UTP4: variants seen among roughly 807,000 people sequenced by gnomAD.
The protein encoded by UTP4 is UTP4 small subunit processome component.
UTP4 carries 45 observed loss-of-function variants against 82.4 expected under a neutral mutation model. That is an observed-to-expected ratio of 0.55 (90% CI 0.43 to 0.70). The LOEUF (loss-of-function observed/expected upper bound fraction) is 0.70. Among genes scored for constraint, UTP4 ranks in the 30% least tolerant of loss-of-function variants. The pLI is 0.00. For synonymous variants in UTP4, 348 were observed against 300.3 expected (o/e 1.16, Z -1.64); for missense variants, 819 against 858.3 (o/e 0.95, Z 0.57).
At chr16:69,138,011 T>C (rs970438611) in intron 4 of UTP4, 126 bp downstream of exon 4, 1 of 720,142 alleles carries the variant, frequency 1.4e-6, no homozygotes, top group Non-Finnish European at 2.5e-6. Context: ...ACAGGGAGGG[T>C]ATGTGCTAGA....
chr16:69,156,705 C>A (rs956922154), intron 11 of UTP4, among the ~76,000 whole-genome samples: 1 of 151,986 alleles, frequency 6.6e-6, no homozygotes, highest in African/African-American at 2.4e-5. Context: ...TGATCCACCC[C>A]CTCAGCCTCC....
At chr16:69,138,235 CTT>C (rs535515310) in intron 4 of UTP4, among the ~76,000 whole-genome samples, 1 of 139,324 alleles carries the variant, frequency 7.2e-6, no homozygotes, top group Non-Finnish European at 1.6e-5. Context: ...TCTTTTCTTT[CTT>C]TTTTTTTTTT....
chr16:69,160,391 C>G lies in UTP4; in HGVS notation c.1480C>G (p.Pro494Ala). The change falls in exon 13 of 17, where the codon CCA (proline) becomes GCA (alanine). Residue 494 changes from proline (P) to alanine (A), a missense_variant. Physicochemically the swap from Pro to Ala is conservative, Grantham distance 27. Coordinates refer to ENST00000314423, the MANE Select transcript of UTP4 (RefSeq NM_032830.3). ...GGCCATGTGTCTTTTGGCAGTCAGT[C>G]CAGATGGGAATTGGCTAGCTGCATC... Reference protein sequence around the residue: ...VEAMCLLAVSPDGNWLAASGT... With the variant: ...VEAMCLLAVSADGNWLAASGT... 6.2e-7 allele frequency: 1 copy of G among 1,614,008 alleles called. No individual in the cohort carries two copies. Among genetic ancestry groups the G allele is most frequent in the South Asian group, 1.1e-5 (1 of 91,066 alleles).
chr16:69,161,274 T>C (rs1963555541), intron 13 of UTP4, among the ~76,000 whole-genome samples: 1 of 152,228 alleles, frequency 6.6e-6, no homozygotes, highest in African/African-American at 2.4e-5. Context: ...TTACAAGTCC[T>C]CATCTTCATT....
At position 69,137,794 on chromosome 16, in the gene UTP4, C is replaced by G. The variant is rs1225735170; in HGVS notation, c.352-7C>G. 1.3e-6 allele frequency: 2 copies of G among 1,578,636 alleles called. No homozygotes were observed. Among genetic ancestry groups the G allele is most frequent in the South Asian group, 2.2e-5 (2 of 90,290 alleles). On this transcript the variant is annotated splice_polypyrimidine_tract_variant and splice_region_variant and intron_variant, in intron 3 of 16. Coordinates refer to ENST00000314423, the MANE Select transcript of UTP4 (RefSeq NM_032830.3). ...TTTTTTCTGTTTACTACCTCTTTCT[C>G]AAATAGGTTGGTTGTGAAGATGGAT... is the stretch of plus-strand genomic sequence containing the variant.
Position 69,155,882 on chromosome 16 carries a change from C to G in UTP4, c.1176C>G (p.Asn392Lys). The change falls in exon 11 of 17, where the codon AAC (asparagine) becomes AAG (lysine). Residue 392 changes from asparagine (N) to lysine (K), a missense_variant. Asn to Lys is a moderately conservative substitution (Grantham distance 94). Transcript: ENST00000314423. ...LLHLKTKGPE[N>K]IICSCISPCG... is the part of the protein sequence containing the mutation. ...CCTGATATTGCCAGGGTCCTGAGAA[C>G]ATTATCTGTAGCTGTATCTCCCCAT... is the stretch of plus-strand genomic sequence containing the variant. 1 of 1,614,092 alleles carries G rather than the reference C, an allele frequency of 6.2e-7. No homozygotes were observed. The highest frequency in any genetic ancestry group is 1.1e-5 in the South Asian group (1 of 91,084).
In UTP4 at chr16:69,167,087, G is replaced by A. The variant is rs755236040; in HGVS notation, c.1846G>A (p.Asp616Asn). The change falls in exon 16 of 17, where the codon GAC (aspartate) becomes AAC (asparagine). Residue 616 changes from aspartate to asparagine, a missense_variant. Transcript: ENST00000314423. ...IIDKSLPLPN[D>N]KTLLYNPFPP... is the part of the protein sequence containing the mutation. ...TTTGTTTTTTTAGCCCCTTCCAAAT[G>A]ACAAAACCTTACTCTACAATCCATT... The A allele has an allele frequency of 2.5e-6, 4 of 1,612,968 alleles. No homozygotes were observed. The highest frequency in any genetic ancestry group is 2.5e-6 in the Non-Finnish European group (3 of 1,179,152).
chr16:69,162,017 G>T (rs1963574618), intron 13 of UTP4, among the ~76,000 whole-genome samples: 2 of 151,280 alleles, frequency 1.3e-5, no homozygotes, highest in African/African-American at 4.9e-5. Context: ...GCCCAGGCTG[G>T]AGTGTGGTGG....
At chr16:69,146,395 T>C (rs1963108755) in intron 6 of UTP4, among the ~76,000 whole-genome samples, 1 of 152,220 alleles carries the variant, frequency 6.6e-6, no homozygotes, top group South Asian at 2.1e-4. Flanking sequence ...ATTTGTTATT[T>C]TGTATCTGGC....
At chr16:69,138,759 A>T (rs1287674277) in intron 4 of UTP4, among the ~76,000 whole-genome samples, 2 of 152,168 alleles carry the variant, frequency 1.3e-5, no homozygotes, top group Non-Finnish European at 2.9e-5. Context: ...AAGCAGCCAT[A>T]GACGATACTG....
rs147164789 is a variant in UTP4, at chr16:69,151,600, G to T, written c.1002+696G>T. On this transcript the variant is annotated intron_variant, in intron 8 of 16. Coordinates refer to ENST00000314423, the MANE Select transcript of UTP4 (RefSeq NM_032830.3). ...CTCCCAAAGTGCTGGGCTTACAGGCGTGAGCCACTGTGCCCAGCCCCTGCC... is the reference window on the plus strand; with the variant it reads ...CTCCCAAAGTGCTGGGCTTACAGGCTTGAGCCACTGTGCCCAGCCCCTGCC... Among the ~76,000 whole-genome samples the T allele has an allele frequency of 3.7e-3, 561 of 150,822 alleles. 6 individuals are homozygous for T. The highest frequency in any genetic ancestry group is 0.013 in the African/African-American group (538 of 40,964).
rs1345251725 is a variant in UTP4, at chr16:69,143,374, C to T, written c.723C>T (p.Ser241=). 1.2e-6 allele frequency: 2 copies of T among 1,613,920 alleles called. No individual in the cohort carries two copies. Among genetic ancestry groups the T allele is most frequent in the Admixed American group, 1.7e-5 (1 of 59,986 alleles). ...SHLIANADVQ[S]IAVADQEDSF... ...TCATCGCTAATGCTGACGTGCAGTC[C>T]ATTGCTGTAGCTGACGTGAGTACAG... The change falls in exon 6 of 17, where the codon TCC becomes TCT. Residue 241 remains serine (S), a synonymous_variant. Coordinates refer to ENST00000314423, the MANE Select transcript of UTP4 (RefSeq NM_032830.3).
intron 6 of UTP4, among the ~76,000 whole-genome samples, chr16:69,143,706 C>T (rs1044680311): frequency 1.3e-5 from 2 of 151,990 alleles, no homozygotes; most frequent in Non-Finnish European, 2.9e-5. Context: ...ATGTTTATAC[C>T]TTTGTATTTA....
At chr16:69,146,959 G>A (rs56025347) in intron 6 of UTP4, among the ~76,000 whole-genome samples, 7,112 of 141,058 alleles carry the variant, frequency 0.05, 196 homozygotes, top group South Asian at 0.075. Context: ...GTGCGATCGC[G>A]CCACTGCACT....
chr16:69,168,732 T>C lies in UTP4; in HGVS notation c.1945-89T>C, dbSNP rs1963764965. ...TGAGCCTTGAACTAGGCTAACCTTTTAGCTTAGATGGTGTCTACCTACAGT... is the reference window on the plus strand; with the variant it reads ...TGAGCCTTGAACTAGGCTAACCTTTCAGCTTAGATGGTGTCTACCTACAGT... On this transcript the variant is annotated intron_variant, in intron 16 of 16. Coordinates refer to ENST00000314423, the MANE Select transcript of UTP4 (RefSeq NM_032830.3). 9 of 845,806 alleles carry C rather than the reference T, an allele frequency of 1.1e-5. No individual in the cohort carries two copies. In the East Asian group the frequency reaches 2.2e-4, roughly 20 times the overall value. The allele number at this position is 845,806 out of a possible 1,614,324, so 52.4% of individuals were successfully genotyped here. A position where few individuals can be genotyped will look rare whatever the true frequency, so the allele number is the denominator to read the frequency against.
intron 14 of UTP4, 23 bp from the exon 15 acceptor site, chr16:69,165,318 C>G (rs1465191637): frequency 1.2e-6 from 2 of 1,611,338 alleles, no homozygotes; most frequent in Non-Finnish European, 8.5e-7. Context: ...GCCTGCATTT[C>G]TCTATGTCAT....
intron 11 of UTP4, among the ~76,000 whole-genome samples, chr16:69,156,646 A>G (rs1963423216): frequency 6.6e-6 from 1 of 151,610 alleles, no homozygotes; most frequent in Non-Finnish European, 1.5e-5. Flanking sequence ...TTTAGTAGAG[A>G]TGGGGTTTCA....
chr16:69,161,314 T>C (rs1295737013), intron 13 of UTP4, among the ~76,000 whole-genome samples: 1 of 152,190 alleles, frequency 6.6e-6, no homozygotes, highest in African/African-American at 2.4e-5. Context: ...TACCCAAAAC[T>C]TGGAATAAGC....
intron 14 of UTP4, 42 bp downstream of exon 14, chr16:69,163,220 T>C (rs185334373): frequency 1.4e-5 from 21 of 1,488,522 alleles, no homozygotes; most frequent in Non-Finnish European, 1.9e-5. Context: ...TCCTGCTGGA[T>C]AGTAACCTAG....
Sources: gnomAD v4.1 joint callset for allele counts (sites outside exome capture counted in the v4.1 genomes callset) on GRCh38, gnomAD v4.1.1 for gene constraint, MANE v1.5 for transcripts, NCBI Gene and HGNC (gene_info 2026-07-23, HGNC 2026-07-21) for gene names.